Variants in GPHN observed in about 807,000 individuals in gnomAD.
The protein encoded by GPHN is gephyrin.
Under a neutral mutation model 95.5 loss-of-function variants are expected in GPHN, and 17 were observed. The ratio of observed to expected loss-of-function variants is 0.18; its 90% CI spans 0.12 to 0.27. The LOEUF is 0.27. Among genes scored for constraint, GPHN ranks in the 10% least tolerant of loss-of-function variants. The pLI is 1.00. For missense variants in GPHN, 660 were observed against 978.1 expected (o/e 0.67, Z 4.34); for synonymous variants, 320 against 322.5 (o/e 0.99, Z 0.08).
chr14:66,827,436 T>C (rs1461320123), intron 4 of GPHN, among the ~76,000 whole-genome samples: 3 of 152,208 alleles, frequency 2.0e-5, no homozygotes, highest in Non-Finnish European at 4.4e-5. Flanking sequence ...ATTTTTATCT[T>C]ATACCTTAAT....
At chr14:67,572,202 C>G in the GPHN span, 24 of 1,609,056 alleles carry the variant, frequency 1.5e-5, no homozygotes, top group Non-Finnish European at 2.0e-5. Context: ...GCTCACTGGA[C>G]AGTGACTACT....
At chr14:66,511,979 A>G (rs1008247531) in intron 1 of GPHN, among the ~76,000 whole-genome samples, 1 of 151,990 alleles carries the variant, frequency 6.6e-6, no homozygotes, top group Non-Finnish European at 1.5e-5. Flanking sequence ...CTTGACAGAA[A>G]TGAAAGTCAC....
the GPHN span, chr14:67,360,125 C>T: frequency 2.4e-6 from 1 of 420,206 alleles, no homozygotes; most frequent in Non-Finnish European, 4.2e-6. Flanking sequence ...AGGATTCATT[C>T]TTCAGAGGCA....
At chr14:66,947,385 G>T (rs1379523896) in intron 8 of GPHN, among the ~76,000 whole-genome samples, 1 of 152,044 alleles carries the variant, frequency 6.6e-6, no homozygotes, top group East Asian at 1.9e-4. Flanking sequence ...AGCACTTATA[G>T]TTACAATTAT....
chr14:67,550,229 C>T, the GPHN span, among the ~76,000 whole-genome samples: 1 of 151,954 alleles, frequency 6.6e-6, no homozygotes, highest in African/African-American at 2.4e-5. Flanking sequence ...CACTCTGTTG[C>T]CCAAGCTGGA....
chr14:67,220,015 G>T, the GPHN span, among the ~76,000 whole-genome samples: 2 of 152,196 alleles, frequency 1.3e-5, no homozygotes, highest in Non-Finnish European at 2.9e-5. Context: ...CACTACTGCT[G>T]TATTGCAGAG....
the GPHN span, among the ~76,000 whole-genome samples, chr14:67,367,813 G>A: frequency 1.3e-5 from 2 of 151,884 alleles, no homozygotes; most frequent in African/African-American, 4.8e-5. Context: ...TCCAACCTGG[G>A]TGATAGAACC....
At chr14:67,056,813 G>T (rs574516812) in intron 10 of GPHN, among the ~76,000 whole-genome samples, 1 of 128,546 alleles carries the variant, frequency 7.8e-6, no homozygotes, top group African/African-American at 3.2e-5. Flanking sequence ...AGTGGGGGTG[G>T]GGGGGGGTCA....
chr14:66,765,111 G>T (rs1044938608), intron 2 of GPHN, among the ~76,000 whole-genome samples: 1 of 152,154 alleles, frequency 6.6e-6, no homozygotes, highest in African/African-American at 2.4e-5. Context: ...GGTGAACCTT[G>T]ATTGACCACT....
rs111460231 is a variant in GPHN at position 66,901,387 on chromosome 14, T to C, written c.390-14616T>C. Among the ~76,000 whole-genome samples, 471 of 152,132 alleles carry C rather than the reference T, an allele frequency of 3.1e-3. 11 individuals carry two copies. Among genetic ancestry groups the C allele is most frequent in the African/African-American group, 0.011 (446 of 41,568 alleles). On this transcript the variant is annotated intron_variant, in intron 5 of 22. Transcript: ENST00000478722. Reference sequence around the variant, plus strand: ...TGTGCAGAAGCTTTTTAGTTTTGTATAACCCCATTTGTCTATTTTTGCTTT... The same window carrying C: ...TGTGCAGAAGCTTTTTAGTTTTGTACAACCCCATTTGTCTATTTTTGCTTT...
intron 1 of GPHN, among the ~76,000 whole-genome samples, chr14:66,640,000 C>A (rs1478832636): frequency 6.6e-6 from 1 of 152,028 alleles, no homozygotes; most frequent in Non-Finnish European, 1.5e-5. Context: ...AATGAAGGAT[C>A]ACAGATGACA....
intron 1 of GPHN, among the ~76,000 whole-genome samples, chr14:66,637,036 G>A (rs763539160): frequency 6.6e-6 from 1 of 152,124 alleles, no homozygotes; most frequent in South Asian, 2.1e-4. Flanking sequence ...GTAGTTGTAA[G>A]TATTTGCCTT....
chr14:67,130,808 T>C (rs113164842), intron 17 of GPHN, among the ~76,000 whole-genome samples: 80 of 152,272 alleles, frequency 5.3e-4, no homozygotes, highest in African/African-American at 1.7e-3. Flanking sequence ...TGGTGTGAGA[T>C]GGTCTCTCAT....
chr14:67,625,602 C>A, the GPHN span, among the ~76,000 whole-genome samples: 1,734 of 148,784 alleles, frequency 0.012, 22 homozygotes, highest in Non-Finnish European at 0.019. Context: ...ATTGCTTGAA[C>A]CTGGGAGGCG....
rs1272291021 is a variant in GPHN, at chr14:67,144,249, AAATATAT to A, written c.1836+802_1836+808del. ...AAGACCCTGTCTTAAAAAAAAAAAA[AAATATAT>A]ATATATATATATATATATATATATA... On this transcript the variant is annotated intron_variant, in intron 18 of 22. Transcript: ENST00000478722. 4.5e-4 allele frequency among the ~76,000 whole-genome samples: 31 copies of A among 68,934 alleles called. 2 individuals are homozygous for A. Among genetic ancestry groups the A allele is most frequent in the Middle Eastern group, 0.015 (2 of 132 alleles). 45.2% of individuals were successfully genotyped at this position (68,934 alleles called of 152,430 possible).
intron 1 of GPHN, among the ~76,000 whole-genome samples, chr14:66,573,573 C>T (rs2060783553): frequency 6.6e-6 from 1 of 151,962 alleles, no homozygotes; most frequent in Admixed American, 6.6e-5. Flanking sequence ...CTGCCTCAGC[C>T]TTCTGAGTAG....
chr14:67,716,806 C>A, the GPHN span, among the ~76,000 whole-genome samples: 1 of 151,692 alleles, frequency 6.6e-6, no homozygotes, highest in Admixed American at 6.6e-5. Flanking sequence ...ATTGCTTGGG[C>A]CCGGGAGGTG....
chr14:66,776,381 A>G (rs2059383232), intron 2 of GPHN, 83 bp from the exon 3 acceptor site: 1 of 850,626 alleles, frequency 1.2e-6, no homozygotes, highest in Non-Finnish European at 2.1e-6. Flanking sequence ...TATTGGTAGC[A>G]TTCTGATGGT....
the GPHN span, among the ~76,000 whole-genome samples, chr14:67,679,914 G>A: frequency 6.6e-6 from 1 of 152,282 alleles, no homozygotes; most frequent in African/African-American, 2.4e-5. Context: ...TGCTTCCTCA[G>A]TATCTAAGCA....
Sources: gnomAD v4.1 joint callset for allele counts (sites outside exome capture counted in the v4.1 genomes callset) on GRCh38, gnomAD v4.1.1 for gene constraint, MANE v1.5 for transcripts, NCBI Gene and HGNC (gene_info 2026-07-23, HGNC 2026-07-21) for gene names.